Variants in CPNE4 observed in about 807,000 individuals in gnomAD.
CPNE4 encodes copine 4.
In CPNE4, 25 loss-of-function variants were observed where a neutral mutation model predicts 67.9. The observed-to-expected ratio is 0.37, with a 90% CI of 0.27 to 0.51. The LOEUF (loss-of-function observed/expected upper bound fraction) is 0.51, where lower values mean the gene tolerates loss of function less well. Among genes scored for constraint, CPNE4 ranks in the 20% least tolerant of loss-of-function variants. The pLI is 0.93. For missense variants in CPNE4, 464 were observed against 690.8 expected, an observed-to-expected ratio of 0.67 and a Z score of 3.68; for synonymous variants, 242 against 244.9, an observed-to-expected ratio of 0.99 and a Z score of 0.11.
At chr3:131,879,447 G>A (rs2087582765) in intron 2 of CPNE4, among the ~76,000 whole-genome samples, 1 of 152,116 alleles carries the variant, frequency 6.6e-6, no homozygotes, top group Admixed American at 6.5e-5. Context: ...GGAAAATGCT[G>A]GCACATAAGC....
At chr3:131,790,206 C>T (rs1478836764) in intron 2 of CPNE4, among the ~76,000 whole-genome samples, 1 of 152,118 alleles carries the variant, frequency 6.6e-6, no homozygotes, top group African/African-American at 2.4e-5. Context: ...AGATATGGGA[C>T]TTATATACTT....
At chr3:131,813,009 A>G (rs1318345753) in intron 2 of CPNE4, among the ~76,000 whole-genome samples, 1 of 152,214 alleles carries the variant, frequency 6.6e-6, no homozygotes. Flanking sequence ...TCTGAGGTTA[A>G]AATCTGAAAA....
chr3:131,853,433 T>C (rs1188058982), intron 2 of CPNE4, among the ~76,000 whole-genome samples: 1 of 151,828 alleles, frequency 6.6e-6, no homozygotes, highest in Non-Finnish European at 1.5e-5. Context: ...AGATGGATTA[T>C]AGGCTGAAAG....
intron 1 of CPNE4, among the ~76,000 whole-genome samples, chr3:131,984,338 A>C (rs1392771118): frequency 6.6e-6 from 1 of 152,224 alleles, no homozygotes; most frequent in Non-Finnish European, 1.5e-5. Context: ...TTAAAAGTAA[A>C]ACTGCATAAG....
intron 2 of CPNE4, among the ~76,000 whole-genome samples, chr3:131,745,598 T>C (rs1360690615): frequency 1.3e-5 from 2 of 152,128 alleles, no homozygotes; most frequent in Admixed American, 6.5e-5. Flanking sequence ...TTCCTAATAA[T>C]GTATGGGACT....
intron 7 of CPNE4, among the ~76,000 whole-genome samples, chr3:131,622,300 G>T (rs903537448): frequency 2.6e-5 from 4 of 152,102 alleles, no homozygotes; most frequent in African/African-American, 9.7e-5. Flanking sequence ...TTAATCCCCT[G>T]CTGTAAACAT....
intron 7 of CPNE4, among the ~76,000 whole-genome samples, chr3:131,619,939 C>T (rs2107757218): frequency 6.6e-6 from 1 of 152,284 alleles, no homozygotes; most frequent in African/African-American, 2.4e-5. Context: ...CAGGACTTGA[C>T]TGATTGCAGG....
chr3:131,717,934 CTT>C (rs1168380288), intron 3 of CPNE4, among the ~76,000 whole-genome samples: 1 of 126,624 alleles, frequency 7.9e-6, no homozygotes, highest in Non-Finnish European at 1.7e-5. Context: ...TTCTTTCTTT[CTT>C]TCTTTCTTTT....
At chr3:131,732,485 C>T (rs1405513611) in intron 2 of CPNE4, among the ~76,000 whole-genome samples, 1 of 152,166 alleles carries the variant, frequency 6.6e-6, no homozygotes, top group Admixed American at 6.5e-5. Flanking sequence ...TGGAAAGCAC[C>T]AGTAGGAGAC....
chr3:131,813,156 C>T (rs2107945280), intron 2 of CPNE4, among the ~76,000 whole-genome samples: 1 of 151,950 alleles, frequency 6.6e-6, no homozygotes, highest in Non-Finnish European at 1.5e-5. Context: ...GAAACTTATT[C>T]CGATAAAAAT....
At chr3:131,902,112 T>G (rs901021534) in intron 2 of CPNE4, among the ~76,000 whole-genome samples, 1 of 152,100 alleles carries the variant, frequency 6.6e-6, no homozygotes, top group Non-Finnish European at 1.5e-5. Flanking sequence ...TTACTGTATA[T>G]TGTTAAGAGA....
chr3:131,883,030 T>C (rs904379562), intron 2 of CPNE4, among the ~76,000 whole-genome samples: 2 of 152,170 alleles, frequency 1.3e-5, no homozygotes, highest in Non-Finnish European at 2.9e-5. Context: ...TCTGCTCTAC[T>C]TTCAATGGCA....
chr3:131,904,912 G>A (rs2088687510), intron 2 of CPNE4, among the ~76,000 whole-genome samples: 1 of 152,056 alleles, frequency 6.6e-6, no homozygotes, highest in African/African-American at 2.4e-5. Context: ...ACCAGTTTTT[G>A]GAACTTTCTC....
chr3:132,036,528 A>G (rs2074342143), upstream of CPNE4, among the ~76,000 whole-genome samples: 1 of 152,222 alleles, frequency 6.6e-6, no homozygotes. Context: ...ACTAAATATG[A>G]AAATGTTAAG....
In CPNE4 at chr3:131,792,925, G is replaced by GTGTGTATCTATA. The variant is rs58502463; in HGVS notation, c.181-69301_181-69300insTATAGATACACA. On this transcript the variant is annotated intron_variant, in intron 2 of 15. Coordinates refer to ENST00000429747, the MANE Select transcript of CPNE4 (RefSeq NM_130808.3). ...TGTGTGTGTGTGTGTGTGTGTGTGTGTATCTCCAACAAAACATGCCAAAAC... is the reference window on the plus strand; with the variant it reads ...TGTGTGTGTGTGTGTGTGTGTGTGTGTGTGTATCTATATATCTCCAACAAAACATGCCAAAAC... Among the ~76,000 whole-genome samples, 990 of 135,212 alleles carry GTGTGTATCTATA rather than the reference G, an allele frequency of 7.3e-3. 6 individuals are homozygous for GTGTGTATCTATA. Among genetic ancestry groups the GTGTGTATCTATA allele is most frequent in the Non-Finnish European group, 0.011 (706 of 64,418 alleles). The allele number at this position is 135,212 out of a possible 152,430, so 88.7% of individuals were successfully genotyped here. A position where few individuals can be genotyped will look rare whatever the true frequency, so the allele number is the denominator to read the frequency against.
At chr3:131,899,156 G>A (rs962642427) in intron 2 of CPNE4, among the ~76,000 whole-genome samples, 1 of 152,074 alleles carries the variant, frequency 6.6e-6, no homozygotes, top group Non-Finnish European at 1.5e-5. Flanking sequence ...CAGTGTTCAG[G>A]GACCTAGTCA....
chr3:131,599,846 C>G (rs1253041682), intron 7 of CPNE4, among the ~76,000 whole-genome samples: 2 of 152,212 alleles, frequency 1.3e-5, no homozygotes, highest in African/African-American at 4.8e-5. Flanking sequence ...TCCCCAGGCT[C>G]TGTCTCCACA....
At chr3:131,959,477 CA>C (rs1255244363) in intron 1 of CPNE4, among the ~76,000 whole-genome samples, 1 of 152,086 alleles carries the variant, frequency 6.6e-6, no homozygotes, top group African/African-American at 2.4e-5. Context: ...TCACCCAGGC[CA>C]ATATGCCTGA....
At position 131,825,403 on chromosome 3, in the gene CPNE4, G is replaced by A. The variant is rs572646686; in HGVS notation, c.180+79861C>T. Among the ~76,000 whole-genome samples, 11 of 151,768 alleles carry A rather than the reference G, an allele frequency of 7.2e-5. 1 individual carries two copies. In the South Asian group the frequency reaches 2.3e-3, roughly 32 times the overall value. ...CAGTTACTCAAGAGGCTGAGGCAGG[G>A]GAATCACTTGAACTTGGGAGGCAGA... On this transcript the variant is annotated intron_variant, in intron 2 of 15. Coordinates refer to ENST00000429747, the MANE Select transcript of CPNE4 (RefSeq NM_130808.3).
Sources: gnomAD v4.1 joint callset for allele counts (sites outside exome capture counted in the v4.1 genomes callset) on GRCh38, gnomAD v4.1.1 for gene constraint, MANE v1.5 for transcripts, NCBI Gene and HGNC (gene_info 2026-07-23, HGNC 2026-07-21) for gene names.